Variants in BRINP1 observed in about 807,000 individuals in gnomAD.
BRINP1 encodes the protein BMP/retinoic acid-inducible neural-specific protein 1.
A neutral mutation model predicts 72.9 loss-of-function variants in BRINP1; 17 were observed. That is an observed-to-expected ratio of 0.23 (90% confidence interval 0.16 to 0.35). The LOEUF (loss-of-function observed/expected upper bound fraction) is 0.35. Ranked by LOEUF, BRINP1 falls within the 10% of genes least tolerant of loss-of-function variation. The pLI is 1.00. For missense variants in BRINP1, 850 were observed against 1,001.6 expected (o/e 0.85, Z 2.04); for synonymous variants, 418 against 378.5 (o/e 1.10, Z -1.21).
At chr9:119,305,812 G>C (rs1830991834) in intron 2 of BRINP1, among the ~76,000 whole-genome samples, 1 of 152,152 alleles carries the variant, frequency 6.6e-6, no homozygotes. Context: ...TGAATTCCTT[G>C]AGGGAAGGGA....
chr9:119,307,228 G>A (rs764814852), intron 2 of BRINP1, among the ~76,000 whole-genome samples: 5 of 151,924 alleles, frequency 3.3e-5, no homozygotes, highest in South Asian at 2.1e-4. Context: ...GTCCCCGTAG[G>A]AAGCAAAATT....
chr9:119,305,138 G>T (rs1413228748), intron 2 of BRINP1, among the ~76,000 whole-genome samples: 1 of 152,174 alleles, frequency 6.6e-6, no homozygotes, highest in Non-Finnish European at 1.5e-5. Context: ...TATTTGAATG[G>T]AATAGAATAG....
At chr9:119,225,644 G>T (rs538758350) in intron 5 of BRINP1, among the ~76,000 whole-genome samples, 1 of 152,074 alleles carries the variant, frequency 6.6e-6, no homozygotes, top group Non-Finnish European at 1.5e-5. Flanking sequence ...GAACTCAAGG[G>T]TATAGAGGGC....
At chr9:119,170,316 G>A (rs1322552317) in intron 7 of BRINP1, among the ~76,000 whole-genome samples, 2 of 152,028 alleles carry the variant, frequency 1.3e-5, no homozygotes, top group East Asian at 3.9e-4. Context: ...ACCAAGGCTC[G>A]AGAACTACGT....
intron 5 of BRINP1, among the ~76,000 whole-genome samples, chr9:119,223,346 C>T (rs1830059827): frequency 6.6e-6 from 1 of 151,988 alleles, no homozygotes; most frequent in African/African-American, 2.4e-5. Flanking sequence ...AATAAAATAA[C>T]ATAAATAGCA....
At chr9:119,328,151 C>T (rs1009468777) in intron 1 of BRINP1, among the ~76,000 whole-genome samples, 15 of 152,060 alleles carry the variant, frequency 9.9e-5, no homozygotes, top group Non-Finnish European at 1.9e-4. Flanking sequence ...AGAATAATGG[C>T]AACAAAGCCA....
chr9:119,271,024 T>G (rs1359384394), intron 2 of BRINP1, among the ~76,000 whole-genome samples: 2 of 152,084 alleles, frequency 1.3e-5, no homozygotes, highest in African/African-American at 4.8e-5. Flanking sequence ...GGTTTTTGGT[T>G]GCAAAATAAA....
At chr9:119,270,205 T>C (rs683999) in intron 2 of BRINP1, among the ~76,000 whole-genome samples, 133,496 of 151,936 alleles carry the variant, frequency 0.88, 59,191 homozygotes, top group East Asian at 0.99. Flanking sequence ...CGGGTAATGT[T>C]GGGGAGAAAA....
At chr9:119,204,651 CT>C (rs1470514640) in intron 7 of BRINP1, among the ~76,000 whole-genome samples, 3 of 152,286 alleles carry the variant, frequency 2.0e-5, no homozygotes, top group East Asian at 3.9e-4. Flanking sequence ...AGCTCCTTCC[CT>C]TCTGTCTCTT....
intron 7 of BRINP1, among the ~76,000 whole-genome samples, chr9:119,206,837 T>C (rs73530277): frequency 0.019 from 2,888 of 152,318 alleles, 74 homozygotes; most frequent in African/African-American, 0.059. Context: ...TTCAGAGACT[T>C]GCTCGTGGTA....
chr9:119,254,652 G>C (rs1333163060), intron 2 of BRINP1, among the ~76,000 whole-genome samples: 1 of 152,180 alleles, frequency 6.6e-6, no homozygotes, highest in African/African-American at 2.4e-5. Context: ...AAGGTGTTGA[G>C]TCTACCTAAT....
intron 2 of BRINP1, among the ~76,000 whole-genome samples, chr9:119,275,282 C>A (rs973842909): frequency 2.9e-4 from 44 of 152,194 alleles, no homozygotes; most frequent in African/African-American, 9.4e-4. Flanking sequence ...AGTTTGTTAA[C>A]ATCAAATCAT....
Position 119,329,359 on chromosome 9 carries a change from G to T in BRINP1, c.-50-15954C>A, listed in dbSNP as rs529802459. ...CTACCATGGTTCAGCTAATTCTTCT[G>T]CAATGTTGTCATCCTTTTATAGAGT... On this transcript the variant is annotated intron_variant, in intron 1 of 7. Coordinates refer to ENST00000265922, the MANE Select transcript of BRINP1 (RefSeq NM_014618.3). 3.7e-4 allele frequency among the ~76,000 whole-genome samples: 57 copies of T among 152,260 alleles called. 1 individual carries two copies. In the South Asian group the frequency reaches 6.4e-3, roughly 17 times the overall value.
chr9:119,274,410 CT>C (rs1363197910), intron 2 of BRINP1, among the ~76,000 whole-genome samples: 2 of 152,150 alleles, frequency 1.3e-5, no homozygotes, highest in Non-Finnish European at 2.9e-5. Context: ...TAAATGATTC[CT>C]CTAGGGTGAC....
chr9:119,356,072 T>A (rs1831562267), intron 1 of BRINP1, among the ~76,000 whole-genome samples: 1 of 152,140 alleles, frequency 6.6e-6, no homozygotes. Context: ...ATAATGTATC[T>A]CTTCTTTCTC....
At chr9:119,192,218 A>G (rs1829690539) in intron 7 of BRINP1, among the ~76,000 whole-genome samples, 1 of 152,000 alleles carries the variant, frequency 6.6e-6, no homozygotes, top group Admixed American at 6.6e-5. Context: ...ATATCATACC[A>G]AAAGCTCAGG....
chr9:119,354,056 G>A (rs536676929), intron 1 of BRINP1, among the ~76,000 whole-genome samples: 59 of 150,708 alleles, frequency 3.9e-4, no homozygotes, highest in Non-Finnish European at 5.5e-4. Context: ...CTTACCATTG[G>A]GAAACTTCCC....
chr9:119,282,517 G>T (rs1479320008), intron 2 of BRINP1, among the ~76,000 whole-genome samples: 1 of 152,054 alleles, frequency 6.6e-6, no homozygotes, highest in African/African-American at 2.4e-5. Flanking sequence ...GAGGGAGGAG[G>T]GGAAGAATGT....
chr9:119,269,868 A>AC (rs34709857), intron 2 of BRINP1, among the ~76,000 whole-genome samples: 134,921 of 152,154 alleles, frequency 0.89, 60,292 homozygotes, highest in East Asian at 0.99. Context: ...AATAAAAAAA[A>AC]ATTCACAGGT....
Sources: gnomAD v4.1 joint callset for allele counts (sites outside exome capture counted in the v4.1 genomes callset) on GRCh38, gnomAD v4.1.1 for gene constraint, MANE v1.5 for transcripts, NCBI Gene and HGNC (gene_info 2026-07-23, HGNC 2026-07-21) for gene names.